The following BRSK2 variants were observed in gnomAD, a reference collection of about 807,000 sequenced individuals.
BRSK2 encodes BR serine/threonine kinase 2.
In BRSK2, 19 loss-of-function variants were observed where a neutral mutation model predicts 83.3. The ratio of observed to expected loss-of-function variants is 0.23; its 90% confidence interval spans 0.16 to 0.33. BRSK2 has a LOEUF of 0.33. Among genes scored for constraint, BRSK2 ranks in the 10% least tolerant of loss-of-function variants. The pLI, the probability that BRSK2 is intolerant of heterozygous loss-of-function variation, is 1.00. For missense variants in BRSK2, 798 were observed against 1,042.3 expected (o/e 0.77, Z 3.23); for synonymous variants, 519 against 435.4 (o/e 1.19, Z -2.39).
intron 5 of BRSK2, 55 bp from the exon 6 acceptor site, chr11:1,443,051 G>A: frequency 1.3e-6 from 2 of 1,516,384 alleles, no homozygotes; most frequent in Non-Finnish European, 1.8e-6. Context: ...TCACCCTGGG[G>A]GGAGGGCCTG....
intron 1 of BRSK2, among the ~76,000 whole-genome samples, chr11:1,406,138 C>T (rs149832978): frequency 6.4e-4 from 97 of 152,284 alleles, no homozygotes; most frequent in Non-Finnish European, 1.2e-3. Context: ...TCCTGCCTGG[C>T]CTTCCTCTCC....
chr11:1,397,980 G>A lies in BRSK2; in HGVS notation c.91+7605G>A, dbSNP rs570303572. ...CCCTGGAGGGCAGGCTGGCCTTCCC[G>A]GCCCCGGGCAGAGGTGGGAGGGCGC... On this transcript the variant is annotated intron_variant, in intron 1 of 19. Transcript: ENST00000528841. Among the ~76,000 whole-genome samples the A allele has an allele frequency of 1.4e-4, 21 of 152,320 alleles. No homozygotes were observed. In the East Asian group the frequency reaches 3.5e-3, roughly 25 times the overall value.
intron 15 of BRSK2, 29 bp downstream of exon 15, chr11:1,451,448 G>A (rs771010728): frequency 2.2e-5 from 36 of 1,610,080 alleles, no homozygotes; most frequent in Non-Finnish European, 1.5e-5. Flanking sequence ...AGGCCTCCTG[G>A]TACCTGACAC....
Position 1,438,491 on chromosome 11 carries a change from A to G in BRSK2, c.272+100A>G. 1 of 1,099,990 alleles carries G rather than the reference A, an allele frequency of 9.1e-7. No homozygotes were observed. The highest frequency in any genetic ancestry group is 1.4e-6 in the Non-Finnish European group (1 of 736,206). The allele number at this position is 1,099,990 out of a possible 1,614,324, so 68.1% of individuals were successfully genotyped here. ...TTGGGGAGCACAGGGGCTGGAGGCC[A>G]GGGGCGCCTGCTGCATCCCAGCAGC... On this transcript the variant is annotated intron_variant, in intron 3 of 19. Transcript: ENST00000528841. This position sits in a 1 kb window ranked among gnomAD's most constrained non-coding sequence, Gnocchi z 6.4.
intron 1 of BRSK2, among the ~76,000 whole-genome samples, chr11:1,414,384 C>A (rs910238232): frequency 6.6e-6 from 1 of 152,178 alleles, no homozygotes; most frequent in Non-Finnish European, 1.5e-5. Context: ...CTAGGAACTT[C>A]CCTCTGTAGA....
intron 1 of BRSK2, among the ~76,000 whole-genome samples, chr11:1,391,619 C>T (rs1845738075): frequency 6.6e-6 from 1 of 152,152 alleles, no homozygotes; most frequent in Non-Finnish European, 1.5e-5. Context: ...CAGGGCAGGA[C>T]CTGGGCAGGT....
intron 18 of BRSK2, chr11:1,457,089 G>A (rs771567574): frequency 2.3e-5 from 34 of 1,503,878 alleles, no homozygotes; most frequent in Non-Finnish European, 2.5e-5. Flanking sequence ...GAGGGGCTGC[G>A]GGCAGGTCCT....
chr11:1,417,464 C>T (rs1015228378), intron 1 of BRSK2, among the ~76,000 whole-genome samples: 18 of 152,278 alleles, frequency 1.2e-4, no homozygotes, highest in African/African-American at 4.3e-4. Flanking sequence ...TCTGAAAATT[C>T]TAGCATTTAG....
chr11:1,444,722 G>A (rs759952650), intron 8 of BRSK2, among the ~76,000 whole-genome samples: 2 of 101,546 alleles, frequency 2.0e-5, no homozygotes, highest in East Asian at 3.0e-4. Context: ...CAGCTCCCCC[G>A]ACTTCTCTCC....
intron 12 of BRSK2, 76 bp from the exon 13 acceptor site, chr11:1,449,700 G>A (rs1845563978): frequency 6.8e-6 from 9 of 1,326,310 alleles, no homozygotes; most frequent in Non-Finnish European, 9.6e-6. Context: ...GGGTTTACCT[G>A]GGGGGAGCAG....
chr11:1,428,519 G>T (rs570893131), intron 1 of BRSK2, among the ~76,000 whole-genome samples: 1 of 152,208 alleles, frequency 6.6e-6, no homozygotes, highest in Non-Finnish European at 1.5e-5. Flanking sequence ...TCAAAGCAGC[G>T]CCTGGAGCAA....
intron 1 of BRSK2, among the ~76,000 whole-genome samples, chr11:1,424,301 C>T (rs1311732286): frequency 1.3e-5 from 2 of 152,042 alleles, no homozygotes; most frequent in East Asian, 3.9e-4. Context: ...GAGGCCCTCA[C>T]CCCCTACTGC....
chr11:1,442,368 A>C, intron 4 of BRSK2, 122 bp from the exon 5 acceptor site: 2 of 670,720 alleles, frequency 3.0e-6, no homozygotes, highest in Non-Finnish European at 5.4e-6. Flanking sequence ...CTGGGCTGCT[A>C]TTGGCCCTTA....
Position 1,443,410 on chromosome 11 carries a change from C to G in BRSK2, c.633+7C>G. 1 of 1,599,010 alleles carries G rather than the reference C, an allele frequency of 6.3e-7. No individual in the cohort carries two copies. Among genetic ancestry groups the G allele is most frequent in the Non-Finnish European group, 8.5e-7 (1 of 1,173,650 alleles). On this transcript the variant is annotated splice_region_variant and intron_variant, in intron 7 of 19. Coordinates refer to ENST00000528841, the MANE Select transcript of BRSK2 (RefSeq NM_001256627.2). The stretch of plus-strand genomic sequence containing the variant: ...CCTGTTCGCCTTGCTGGTGGTGAGA[C>G]CCTGGCCCCCTCAACCCTGCCCTGG...
Position 1,461,117 on chromosome 11 carries a change from T to G in BRSK2, c.*394T>G. ...AGCGCCCCGTCCACCCCGCGGCAGC[T>G]CCTCGCCTCAGCTCCGCACGGCCCG... On this transcript the variant is annotated 3_prime_UTR_variant, in exon 20 of 20. Transcript: ENST00000528841. The G allele has an allele frequency of 7.1e-7, 1 of 1,399,202 alleles. No individual in the cohort carries two copies. The allele number at this position is 1,399,202 out of a possible 1,614,324, so 86.7% of individuals were successfully genotyped here.
At chr11:1,443,696 G>A (rs1851655489) in intron 8 of BRSK2, 61 bp downstream of exon 8, 1 of 1,466,580 alleles carries the variant, frequency 6.8e-7, no homozygotes, top group Non-Finnish European at 9.0e-7. Flanking sequence ...GGGCGGGCGT[G>A]TGCCTGTGTG....
chr11:1,395,375 C>T (rs546276375), intron 1 of BRSK2, among the ~76,000 whole-genome samples: 39 of 152,312 alleles, frequency 2.6e-4, no homozygotes, highest in Non-Finnish European at 3.2e-4. Flanking sequence ...TGTCGCTGGG[C>T]GCCATGTCAG....
At chr11:1,416,681 A>G (rs370121787) in intron 1 of BRSK2, among the ~76,000 whole-genome samples, 30 of 152,240 alleles carry the variant, frequency 2.0e-4, no homozygotes, top group African/African-American at 7.0e-4. Context: ...GGCCCTGGGT[A>G]TGATGTGTGT....
intron 14 of BRSK2, 98 bp downstream of exon 14, chr11:1,450,892 C>A: frequency 8.3e-7 from 1 of 1,208,112 alleles, no homozygotes. Context: ...GTCCGAGGGG[C>A]CTGTAGCTGC....
Sources: gnomAD v4.1 joint callset for allele counts (sites outside exome capture counted in the v4.1 genomes callset) on GRCh38, gnomAD v4.1.1 for gene constraint, Gnocchi (gnomAD v3.1) non-coding constraint, MANE v1.5 for transcripts, NCBI Gene and HGNC (gene_info 2026-07-23, HGNC 2026-07-21) for gene names.